PTPRA: variants seen among roughly 807,000 people sequenced by gnomAD.
PTPRA encodes the protein receptor-type tyrosine-protein phosphatase alpha.
Under a neutral mutation model 104.8 loss-of-function variants are expected in PTPRA, and 25 were observed. The ratio of observed to expected loss-of-function variants is 0.24; its 90% confidence interval spans 0.17 to 0.33. PTPRA has a LOEUF of 0.33. Ranked by LOEUF, PTPRA falls within the 10% of genes least tolerant of loss-of-function variation. The pLI, the probability that PTPRA is intolerant of heterozygous loss-of-function variation, is 1.00. For synonymous variants in PTPRA, 323 were observed against 368.9 expected, an observed-to-expected ratio of 0.88 and a Z score of 1.43; for missense variants, 765 against 1,015.3, an observed-to-expected ratio of 0.75 and a Z score of 3.35.
At chr20:2,991,159 G>C (rs915850100) in intron 9 of PTPRA, among the ~76,000 whole-genome samples, 1 of 152,104 alleles carries the variant, frequency 6.6e-6, no homozygotes. Context: ...TTCAAGACTA[G>C]CCTGGCTAAC....
chr20:2,977,628 G>A (rs2062493251), intron 6 of PTPRA, among the ~76,000 whole-genome samples: 1 of 151,404 alleles, frequency 6.6e-6, no homozygotes, highest in Admixed American at 6.6e-5. Flanking sequence ...CTGGGCAACA[G>A]AGCAAGACTC....
intron 5 of PTPRA, among the ~76,000 whole-genome samples, chr20:2,968,609 C>G (rs1333700199): frequency 1.3e-5 from 2 of 150,812 alleles, no homozygotes; most frequent in African/African-American, 4.9e-5. Flanking sequence ...GTCTTTTTCT[C>G]CTTTTAAAAA....
intron 17 of PTPRA, among the ~76,000 whole-genome samples, 174 bp from the exon 18 acceptor site, chr20:3,026,513 C>T (rs551718894): frequency 2.0e-5 from 3 of 152,300 alleles, no homozygotes; most frequent in South Asian, 4.1e-4. Flanking sequence ...ATTTCCCAAA[C>T]AGTCTCTTGG....
At chr20:2,910,725 G>A (rs2059693376) in intron 1 of PTPRA, among the ~76,000 whole-genome samples, 1 of 146,644 alleles carries the variant, frequency 6.8e-6, no homozygotes, top group Non-Finnish European at 1.5e-5. Flanking sequence ...TCCTGCCTCA[G>A]CCTCCCAAGT....
chr20:3,019,034 A>C (rs1295250119), intron 13 of PTPRA, among the ~76,000 whole-genome samples: 9 of 79,164 alleles, frequency 1.1e-4, no homozygotes, highest in South Asian at 4.9e-4. Flanking sequence ...GGGGGGGCTG[A>C]CCCCCCCACC....
At chr20:2,997,125 T>G (rs889765031) in intron 9 of PTPRA, among the ~76,000 whole-genome samples, 6 of 120,006 alleles carry the variant, frequency 5.0e-5, no homozygotes, top group Non-Finnish European at 7.0e-5. Context: ...TATATTGTTA[T>G]GTGAGAAAAC....
intron 2 of PTPRA, among the ~76,000 whole-genome samples, chr20:2,935,797 C>T (rs181039363): frequency 1.8e-4 from 28 of 152,260 alleles, no homozygotes; most frequent in Admixed American, 3.9e-4. Flanking sequence ...GGTGGATCAC[C>T]TGAAGTCAGG....
chr20:2,974,005 G>A (rs2062311650), intron 5 of PTPRA, among the ~76,000 whole-genome samples: 1 of 147,292 alleles, frequency 6.8e-6, no homozygotes, highest in Non-Finnish European at 1.5e-5. Flanking sequence ...AGGCTGGAGT[G>A]CAGTGGCGTG....
intron 6 of PTPRA, among the ~76,000 whole-genome samples, chr20:2,977,169 G>A (rs888659608): frequency 2.0e-5 from 3 of 151,930 alleles, no homozygotes; most frequent in African/African-American, 2.4e-5. Flanking sequence ...CCAGCTACTC[G>A]GGAGGCTGAG....
chr20:2,878,586 TAC>T (rs1217281362), intron 1 of PTPRA, among the ~76,000 whole-genome samples: 1 of 152,180 alleles, frequency 6.6e-6, no homozygotes, highest in East Asian at 1.9e-4. Flanking sequence ...GGTACTTTTA[TAC>T]CCCTTGTTCA....
chr20:2,905,735 A>G (rs567431578), intron 1 of PTPRA, among the ~76,000 whole-genome samples: 2 of 128,132 alleles, frequency 1.6e-5, no homozygotes, highest in African/African-American at 6.2e-5. Flanking sequence ...CCCAGGCTAG[A>G]GTGCAATGGT....
At chr20:2,864,886 G>C in the PTPRA span, 1 of 1,560,322 alleles carries the variant, frequency 6.4e-7, no homozygotes, top group Non-Finnish European at 8.8e-7. This position sits in a 1 kb window ranked among gnomAD's most constrained non-coding sequence, Gnocchi z 5.2. Flanking sequence ...GGCGACCCTG[G>C]GCACAGGGAT....
chr20:2,977,230 C>T (rs1271331732), intron 6 of PTPRA, among the ~76,000 whole-genome samples: 1 of 149,954 alleles, frequency 6.7e-6, no homozygotes, highest in Non-Finnish European at 1.5e-5. Flanking sequence ...GAGCCAAGAT[C>T]GCGCTCTTGG....
At chr20:2,953,782 A>C (rs2061436362) in intron 3 of PTPRA, among the ~76,000 whole-genome samples, 1 of 149,658 alleles carries the variant, frequency 6.7e-6, no homozygotes, top group Admixed American at 6.7e-5. Flanking sequence ...TAGTTTTTGT[A>C]TTTTTAGTAG....
intron 1 of PTPRA, among the ~76,000 whole-genome samples, chr20:2,878,405 T>A (rs999652563): frequency 2.6e-5 from 4 of 152,092 alleles, no homozygotes; most frequent in Non-Finnish European, 5.9e-5. Context: ...TGTAGAGACA[T>A]TTTTATGTTG....
At chr20:2,947,855 G>C (rs2147754808) in intron 2 of PTPRA, 127 bp from the exon 3 acceptor site, 1 of 416,930 alleles carries the variant, frequency 2.4e-6, no homozygotes, top group Admixed American at 3.9e-5. Context: ...AGTTTAAGAA[G>C]TGTTCATGTT....
chr20:3,027,328 C>A, intron 19 of PTPRA, 131 bp downstream of exon 19: 1 of 918,452 alleles, frequency 1.1e-6, no homozygotes. Flanking sequence ...AATTGATACT[C>A]ACCCACCCAC....
intron 17 of PTPRA, 27 bp from the exon 18 acceptor site, chr20:3,026,660 A>G (rs374161704): frequency 6.4e-7 from 1 of 1,552,686 alleles, no homozygotes; most frequent in Non-Finnish European, 8.9e-7. Flanking sequence ...GGGATCAGTA[A>G]TGTTTCCCCT....
intron 2 of PTPRA, among the ~76,000 whole-genome samples, chr20:2,944,126 C>T (rs772341998): frequency 5.9e-5 from 9 of 151,334 alleles, no homozygotes; most frequent in East Asian, 1.9e-4. Context: ...CTGTAACCTC[C>T]GCCTCCCAGG....
Sources: gnomAD v4.1 joint callset for allele counts (sites outside exome capture counted in the v4.1 genomes callset) on GRCh38, gnomAD v4.1.1 for gene constraint, Gnocchi (gnomAD v3.1) non-coding constraint, MANE v1.5 for transcripts, NCBI Gene and HGNC (gene_info 2026-07-23, HGNC 2026-07-21) for gene names.